Variants in GLIPR2 observed in about 807,000 individuals in gnomAD.
The protein encoded by GLIPR2 is GLI pathogenesis related 2.
GLIPR2 carries 21 observed loss-of-function variants against 20.4 expected under a neutral mutation model. That is an observed-to-expected ratio of 1.03 (90% confidence interval 0.73 to 1.48). GLIPR2 has a LOEUF of 1.48. Ranked by LOEUF, GLIPR2 falls within the 40% of genes most tolerant of loss-of-function variation. The probability of loss-of-function intolerance (pLI) is 0.00; values close to 1 mark genes in which losing one functional copy is unlikely to be tolerated. For missense variants in GLIPR2, 205 were observed against 200.1 expected (o/e 1.02, Z -0.15); for synonymous variants, 91 against 80.5 (o/e 1.13, Z -0.70).
chr9:36,146,966 C>T (rs572247270), intron 1 of GLIPR2, among the ~76,000 whole-genome samples: 23 of 152,272 alleles, frequency 1.5e-4, no homozygotes, highest in African/African-American at 3.6e-4. Context: ...GGGGACTCTG[C>T]GGTGGCTCTG....
At chr9:36,152,421 T>C (rs973149174) in intron 4 of GLIPR2, among the ~76,000 whole-genome samples, 5 of 152,128 alleles carry the variant, frequency 3.3e-5, no homozygotes, top group Non-Finnish European at 5.9e-5. Flanking sequence ...ACTAGCACTC[T>C]GCGTGTGTGT....
Position 36,143,557 on chromosome 9 carries a change from G to A in GLIPR2, c.14-4229G>A, listed in dbSNP as rs568780376. 1.4e-4 allele frequency among the ~76,000 whole-genome samples: 22 copies of A among 152,274 alleles called. No homozygotes were observed. In the East Asian group the frequency reaches 3.7e-3, roughly 25 times the overall value. ...GTCACCTTTGCGGTGTCACCTATAC[G>A]GGCCCTTTCCCGCACACTCACACTC... On this transcript the variant is annotated intron_variant, in intron 1 of 4. Coordinates refer to ENST00000377960, the MANE Select transcript of GLIPR2 (RefSeq NM_022343.4).
chr9:36,148,761 A>G (rs1163337633), intron 3 of GLIPR2, 111 bp downstream of exon 3: 6 of 701,492 alleles, frequency 8.6e-6, no homozygotes, highest in Non-Finnish European at 1.5e-5. Context: ...CAGGCCCAGG[A>G]AAGGAAAGAA....
intron 1 of GLIPR2, among the ~76,000 whole-genome samples, chr9:36,140,796 G>A (rs1825038213): frequency 6.6e-6 from 1 of 152,174 alleles, no homozygotes; most frequent in Non-Finnish European, 1.5e-5. Flanking sequence ...GCTCTGTGTG[G>A]TCTTGGACAA....
intron 1 of GLIPR2, chr9:36,146,066 A>T (rs1214146790): frequency 1.3e-5 from 2 of 152,112 alleles, no homozygotes; most frequent in Non-Finnish European, 2.9e-5. Flanking sequence ...ATCTTAGTCC[A>T]TTTTCTGCTG....
chr9:36,148,141 G>C (rs577324930), intron 2 of GLIPR2, among the ~76,000 whole-genome samples: 4 of 152,104 alleles, frequency 2.6e-5, no homozygotes, highest in Non-Finnish European at 2.9e-5. Flanking sequence ...CCAGCTACTC[G>C]AGAGGCTGAG....
chr9:36,160,500 GGAAGAGAAGAGAA>G (rs1048714537), intron 4 of GLIPR2, among the ~76,000 whole-genome samples: 1 of 151,690 alleles, frequency 6.6e-6, no homozygotes, highest in African/African-American at 2.4e-5. Context: ...CAGAAAGAAG[GGAAGAGAAGAGAA>G]AAAGAGAAGA....
chr9:36,160,762 G>A lies in GLIPR2; in HGVS notation c.305-1600G>A, dbSNP rs150201347. On this transcript the variant is annotated intron_variant, in intron 4 of 4. Transcript: ENST00000377960. ...TCAGAATGGTCACTCTGAATACTAA[G>A]TAGAAAATGAGGCTCACGCCTGTAA... Among the ~76,000 whole-genome samples, 896 of 152,250 alleles carry A rather than the reference G, an allele frequency of 5.9e-3. 9 individuals are homozygous for A. Among genetic ancestry groups the A allele is most frequent in the African/African-American group, 0.02 (842 of 41,562 alleles).
rs777382029 is a variant in GLIPR2, at chr9:36,147,776, A to G, written c.14-10A>G. The G allele has an allele frequency of 3.9e-6, 5 of 1,286,880 alleles. No homozygotes were observed. Among genetic ancestry groups the G allele is most frequent in the Admixed American group, 3.4e-5 (2 of 59,606 alleles). The allele number at this position is 1,286,880 out of a possible 1,614,324, so 79.7% of individuals were successfully genotyped here. On this transcript the variant is annotated splice_polypyrimidine_tract_variant and intron_variant, in intron 1 of 4. Coordinates refer to ENST00000377960, the MANE Select transcript of GLIPR2 (RefSeq NM_022343.4). ...GCACTGAGCCATTCTCCATTTTGCA[A>G]TCATTCCAGCTTCCAAACAGTTTCA...
At position 36,162,901 on chromosome 9, in the gene GLIPR2, T is replaced by C; in HGVS notation, c.*379T>C. On this transcript the variant is annotated 3_prime_UTR_variant, in exon 5 of 5. Coordinates refer to ENST00000377960, the MANE Select transcript of GLIPR2 (RefSeq NM_022343.4). ...TTGTGATGCTGAGAAGTGAAGTTCA[T>C]TTTATGTGATCTTCATGCGTCGTAA... The C allele has an allele frequency of 2.2e-6, 1 of 461,878 alleles. No individual in the cohort carries two copies. The highest frequency in any genetic ancestry group is 1.6e-5 in the South Asian group (1 of 64,050). 28.6% of individuals were successfully genotyped at this position (461,878 alleles called of 1,614,324 possible).
At chr9:36,160,740 G>T (rs1267185619) in intron 4 of GLIPR2, among the ~76,000 whole-genome samples, 2 of 152,162 alleles carry the variant, frequency 1.3e-5, no homozygotes, top group African/African-American at 4.8e-5. Context: ...TTATATCTCA[G>T]AATGGTCACT....
intron 1 of GLIPR2, chr9:36,146,224 T>C (rs953581630): frequency 1.3e-5 from 2 of 152,314 alleles, no homozygotes; most frequent in African/African-American, 4.8e-5. Flanking sequence ...AAGTAAGCAC[T>C]CAAGACGGGG....
At chr9:36,162,254 A>C in intron 4 of GLIPR2, 108 bp from the exon 5 acceptor site, 2 of 1,601,952 alleles carry the variant, frequency 1.2e-6, no homozygotes, top group Non-Finnish European at 1.7e-6. Context: ...GACCATGCTG[A>C]CCTGAGCCTG....
At chr9:36,154,237 T>C (rs1366381434) in intron 4 of GLIPR2, among the ~76,000 whole-genome samples, 2 of 151,988 alleles carry the variant, frequency 1.3e-5, no homozygotes, top group African/African-American at 4.8e-5. Flanking sequence ...AATATTTTTA[T>C]ATGATATGAA....
rs144521227 is a variant in GLIPR2 at position 36,147,797 on chromosome 9, T to C, written c.25T>C (p.Phe9Leu). Residue 9 changes from phenylalanine to leucine, a missense_variant, in exon 2 of 5, where the codon TTT becomes CTT. Transcript: ENST00000377960. ...TGCAATCATTCCAGCTTCCAAACAG[T>C]TTCATAATGAGGTCCTGAAGGCCCA... Reference protein sequence around the residue: MGKSASKQFHNEVLKAHNE... With the variant: MGKSASKQLHNEVLKAHNE... The C allele has an allele frequency of 3.1e-4, 473 of 1,519,068 alleles. No individual in the cohort carries two copies. The highest frequency in any genetic ancestry group is 3.8e-4 in the Non-Finnish European group (411 of 1,093,306). The allele number at this position is 1,519,068 out of a possible 1,614,324, so 94.1% of individuals were successfully genotyped here. A position where few individuals can be genotyped will look rare whatever the true frequency, so the allele number is the denominator to read the frequency against.
rs1554647623 is a variant in GLIPR2, at chr9:36,163,141, G to A, written c.*619G>A. The stretch of plus-strand genomic sequence containing the variant: ...CCAATGGGGTCGCCAAACAACAAAT[G>A]GAGAAAAAAAGTTTTACTTCCTTGC... On this transcript the variant is annotated 3_prime_UTR_variant, in exon 5 of 5. Coordinates refer to ENST00000377960, the MANE Select transcript of GLIPR2 (RefSeq NM_022343.4). 3.8e-6 allele frequency: 1 copy of A among 266,542 alleles called. No homozygotes were observed. Among genetic ancestry groups the A allele is most frequent in the Non-Finnish European group, 7.4e-6 (1 of 134,804 alleles). The allele number at this position is 266,542 out of a possible 1,614,324, so 16.5% of individuals were successfully genotyped here. A position where few individuals can be genotyped will look rare whatever the true frequency, so the allele number is the denominator to read the frequency against.
At chr9:36,157,599 A>C (rs1054522369) in intron 4 of GLIPR2, among the ~76,000 whole-genome samples, 3 of 151,586 alleles carry the variant, frequency 2.0e-5, no homozygotes, top group Non-Finnish European at 4.4e-5. Context: ...CACCCGCCTT[A>C]GCTTCCCAAA....
chr9:36,150,481 A>C (rs1332722889), intron 3 of GLIPR2, among the ~76,000 whole-genome samples: 1 of 152,244 alleles, frequency 6.6e-6, no homozygotes, highest in Non-Finnish European at 1.5e-5. Flanking sequence ...ATGACAGTAT[A>C]GTCTCCTAGA....
At chr9:36,150,796 G>C in intron 3 of GLIPR2, 76 bp from the exon 4 acceptor site, 1 of 1,067,458 alleles carries the variant, frequency 9.4e-7, no homozygotes, top group Non-Finnish European at 1.4e-6. Context: ...GCTTGGGGCT[G>C]ATGGGAGAAA....
Sources: gnomAD v4.1 joint callset for allele counts (sites outside exome capture counted in the v4.1 genomes callset) on GRCh38, gnomAD v4.1.1 for gene constraint, MANE v1.5 for transcripts, NCBI Gene and HGNC (gene_info 2026-07-23, HGNC 2026-07-21) for gene names.